The following DMBT1 variants were observed in gnomAD, a reference collection of about 807,000 sequenced individuals.
The protein encoded by DMBT1 is deleted in malignant brain tumors 1, also known as scavenger receptor cysteine-rich domain-containing protein DMBT1.
A neutral mutation model predicts 252.9 loss-of-function variants in DMBT1; 198 were observed. The ratio of observed to expected loss-of-function variants is 0.78; its 90% confidence interval spans 0.70 to 0.88. DMBT1 has a LOEUF of 0.88. Ranked by LOEUF, DMBT1 falls within the 40% of genes least tolerant of loss-of-function variation. The pLI is 0.00. For synonymous variants in DMBT1, 990 were observed against 942.7 expected, an observed-to-expected ratio of 1.05 and a Z score of -0.92; for missense variants, 2,432 against 2,404.7, an observed-to-expected ratio of 1.01 and a Z score of -0.24.
intron 20 of DMBT1, among the ~76,000 whole-genome samples, chr10:122,592,893 C>G (rs1459572586): frequency 6.7e-6 from 1 of 148,476 alleles, no homozygotes; most frequent in Non-Finnish European, 1.5e-5. Flanking sequence ...CATTTCTCCT[C>G]AGCTGAGTAG....
chr10:122,600,982 A>T lies in DMBT1; in HGVS notation c.3311-9A>T. 1.2e-6 allele frequency: 1 copy of T among 867,200 alleles called. No homozygotes were observed. The highest frequency in any genetic ancestry group is 1.4e-5 in the South Asian group (1 of 71,310). The allele number at this position is 867,200 out of a possible 1,614,324, so 53.7% of individuals were successfully genotyped here. A position where few individuals can be genotyped will look rare whatever the true frequency, so the allele number is the denominator to read the frequency against. ...CTAATTCTGTCTTTTCCTTTGTTGCAATTTACAGACACTTGGCCAACCTCA... is the reference window on the plus strand; with the variant it reads ...CTAATTCTGTCTTTTCCTTTGTTGCTATTTACAGACACTTGGCCAACCTCA... On this transcript the variant is annotated splice_polypyrimidine_tract_variant and intron_variant, in intron 27 of 55. Coordinates refer to ENST00000338354, the MANE Select transcript of DMBT1 (RefSeq NM_001377530.1).
intron 14 of DMBT1, among the ~76,000 whole-genome samples, chr10:122,584,756 A>T (rs981914477): frequency 2.0e-5 from 3 of 149,220 alleles, no homozygotes; most frequent in African/African-American, 7.3e-5. Context: ...TGGGCAAGCA[A>T]TGTCAGTGCA....
At chr10:122,634,925 A>T (rs1262036820) in intron 52 of DMBT1, among the ~76,000 whole-genome samples, 1 of 152,256 alleles carries the variant, frequency 6.6e-6, no homozygotes, top group Non-Finnish European at 1.5e-5. Context: ...GCCACTGTTG[A>T]ACAAAATAGT....
Position 122,579,904 on chromosome 10 carries a change from G to T in DMBT1, c.1003+3G>T. 1.2e-6 allele frequency: 2 copies of T among 1,613,818 alleles called. No homozygotes were observed. Among genetic ancestry groups the T allele is most frequent in the Middle Eastern group, 1.7e-4 (1 of 6,056 alleles). On this transcript the variant is annotated splice_donor_region_variant and intron_variant, in intron 10 of 55. Transcript: ENST00000338354. Reference sequence around the variant, plus strand: ...AGACGCTGGTGTCATCTGCTCAGGTGGGCCTTCAAGAACTTGGGCTCACTC... The same window carrying T: ...AGACGCTGGTGTCATCTGCTCAGGTTGGCCTTCAAGAACTTGGGCTCACTC...
At chr10:122,630,722 ACT>A (rs1475166105) in intron 48 of DMBT1, among the ~76,000 whole-genome samples, 1 of 151,360 alleles carries the variant, frequency 6.6e-6, no homozygotes, top group Non-Finnish European at 1.5e-5. Context: ...GGACCTGGTG[ACT>A]CTCCTTCAGA....
intron 55 of DMBT1, among the ~76,000 whole-genome samples, chr10:122,640,665 G>A (rs990432297): frequency 1.3e-5 from 2 of 152,156 alleles, no homozygotes; most frequent in African/African-American, 2.4e-5. Flanking sequence ...TTTCTCATCA[G>A]GTAGGATGAC....
At chr10:122,627,940 T>C (rs2098129962) in intron 46 of DMBT1, among the ~76,000 whole-genome samples, 1 of 152,252 alleles carries the variant, frequency 6.6e-6, no homozygotes, top group Admixed American at 6.5e-5. Flanking sequence ...ATTGGAAAGA[T>C]GCTCAATGTC....
rs1304585052 is a variant in DMBT1, at chr10:122,592,393, T to A, written c.2298T>A (p.Asp766Glu). Residue 766 changes from aspartate to glutamate, a missense_variant, in exon 20 of 56, where the codon GAT becomes GAA. Asp to Glu is a conservative substitution (Grantham distance 45). Coordinates refer to ENST00000338354, the MANE Select transcript of DMBT1 (RefSeq NM_001377530.1). ...GTGATGACAGCTGGGATACCAATGATGCCAATGTGGTCTGCAGGCAGCTGG... is the reference window on the plus strand; with the variant it reads ...GTGATGACAGCTGGGATACCAATGAAGCCAATGTGGTCTGCAGGCAGCTGG... ...TVCDDSWDTN[D>E]ANVVCRQLGC... The A allele has an allele frequency of 1.9e-6, 3 of 1,588,468 alleles. 1 individual carries two copies.
chr10:122,581,013 A>G, intron 11 of DMBT1, 118 bp downstream of exon 11: 1 of 1,460,386 alleles, frequency 6.8e-7, no homozygotes, highest in Non-Finnish European at 9.3e-7. Context: ...TATTATTTCC[A>G]CCCCCAACAC....
chr10:122,600,188 A>G lies in DMBT1; in HGVS notation c.3310+95A>G, dbSNP rs2097932285. ...AGAGCTCTCCTGTTTCTCTGTGTGG[A>G]TACTGTGGGGCATATTATTTCTACC... On this transcript the variant is annotated intron_variant, in intron 27 of 55. Coordinates refer to ENST00000338354, the MANE Select transcript of DMBT1 (RefSeq NM_001377530.1). The G allele has an allele frequency of 2.7e-6, 4 of 1,493,418 alleles. No individual in the cohort carries two copies. In the East Asian group the frequency reaches 7.0e-5, roughly 26 times the overall value. 92.5% of individuals were successfully genotyped at this position (1,493,418 alleles called of 1,614,324 possible).
At chr10:122,626,091 C>G (rs2098117128) in intron 46 of DMBT1, 126 bp downstream of exon 46, 1 of 762,436 alleles carries the variant, frequency 1.3e-6, no homozygotes, top group South Asian at 1.5e-5. Flanking sequence ...CTGGCCTGTC[C>G]CACTATACCC....
intron 10 of DMBT1, among the ~76,000 whole-genome samples, chr10:122,580,639 G>C (rs1295340443): frequency 1.3e-5 from 2 of 152,166 alleles, no homozygotes; most frequent in Middle Eastern, 3.4e-3. Context: ...GGTTACCCTG[G>C]GCAGACACAA....
chr10:122,620,964 T>A, intron 43 of DMBT1, 93 bp from the exon 44 acceptor site: 1 of 1,577,822 alleles, frequency 6.3e-7, no homozygotes, highest in Non-Finnish European at 8.6e-7. Context: ...ACACGTGACT[T>A]TGGCCATTAG....
At chr10:122,564,131 C>A (rs1435240013) in intron 1 of DMBT1, among the ~76,000 whole-genome samples, 1 of 152,188 alleles carries the variant, frequency 6.6e-6, no homozygotes, top group Non-Finnish European at 1.5e-5. Context: ...CCTTCCTAAG[C>A]CATCAATATG....
In DMBT1 at chr10:122,598,017, A is replaced by G; in HGVS notation, c.2956+5A>G. 1.2e-6 allele frequency: 2 copies of G among 1,613,912 alleles called. No individual in the cohort carries two copies. The highest frequency in any genetic ancestry group is 1.7e-6 in the Non-Finnish European group (2 of 1,179,850). On this transcript the variant is annotated splice_donor_5th_base_variant and intron_variant, in intron 25 of 55. Transcript: ENST00000338354. ...CCTTGCCTGCATCGACAGTAGGTAA[A>G]TATTCCTCTCGCCCCTCCCTAGGGC... is the stretch of plus-strand genomic sequence containing the variant.
At position 122,574,266 on chromosome 10, in the gene DMBT1, TC is replaced by T. The variant is rs111366388; in HGVS notation, c.283+509del. Among the ~76,000 whole-genome samples the T allele has an allele frequency of 1.3e-4, 20 of 152,252 alleles. 1 individual carries two copies. Among genetic ancestry groups the T allele is most frequent in the African/African-American group, 4.1e-4 (17 of 41,538 alleles). On this transcript the variant is annotated intron_variant, in intron 6 of 55. Transcript: ENST00000338354. Reference sequence around the variant, plus strand: ...TCATGGGCATCAGAGCTCATGTACTTCCCCCTTGGGTATCTCCAGTGAGAAA... The same window carrying T: ...TCATGGGCATCAGAGCTCATGTACTTCCCCTTGGGTATCTCCAGTGAGAAA...
intron 40 of DMBT1, 144 bp downstream of exon 40, chr10:122,617,404 A>T (rs570554898): frequency 3.8e-6 from 4 of 1,063,736 alleles, no homozygotes; most frequent in Non-Finnish European, 5.6e-6. Flanking sequence ...GTTTCTAGGG[A>T]GTCAGCCCTG....
chr10:122,564,755 A>G (rs190218635), intron 1 of DMBT1, among the ~76,000 whole-genome samples: 41 of 152,182 alleles, frequency 2.7e-4, no homozygotes, highest in African/African-American at 9.6e-4. Context: ...TGTATCATTG[A>G]CCCTGGATTC....
intron 2 of DMBT1, among the ~76,000 whole-genome samples, chr10:122,569,744 T>C (rs1480371417): frequency 1.3e-5 from 2 of 152,244 alleles, no homozygotes; most frequent in African/African-American, 4.8e-5. Flanking sequence ...AAAAGGTTGG[T>C]ATTCTTTCGA....
Sources: allele counts gnomAD v4.1 joint callset (sites outside exome capture counted in the v4.1 genomes callset), GRCh38; gene constraint gnomAD v4.1.1; transcripts MANE v1.5; gene names NCBI Gene and HGNC (gene_info 2026-07-23, HGNC 2026-07-21).